HYDIN: variants seen among roughly 807,000 people sequenced by gnomAD.
HYDIN encodes the protein HYDIN axonemal central pair apparatus protein.
A neutral mutation model predicts 403.9 loss-of-function variants in HYDIN; 132 were observed. The observed-to-expected ratio is 0.33, with a 90% CI of 0.28 to 0.38. HYDIN has a LOEUF of 0.38. Among genes scored for constraint, HYDIN ranks in the 10% least tolerant of loss-of-function variants. HYDIN has a pLI of 1.00. For missense variants in HYDIN, 2,827 were observed against 5,009.5 expected (o/e 0.56, Z 13.15); for synonymous variants, 1,202 against 1,891.7 (o/e 0.64, Z 9.46).
At chr16:71,020,136 C>T (rs749741162) in intron 22 of HYDIN, 38 bp downstream of exon 22, 3 of 1,608,154 alleles carry the variant, frequency 1.9e-6, no homozygotes, top group Non-Finnish European at 2.5e-6. Context: ...CCCGCCCCAC[C>T]CCAGACAGCT....
At position 70,939,262 on chromosome 16, in the gene HYDIN, C is replaced by T. The variant is rs564879265; in HGVS notation, c.6854-507G>A. Among the ~76,000 whole-genome samples, 54 of 152,222 alleles carry T rather than the reference C, an allele frequency of 3.5e-4. 1 individual carries two copies. The East Asian group carries it at 0.01, about 28-fold the overall frequency. On this transcript the variant is annotated intron_variant, in intron 43 of 85. Coordinates refer to ENST00000393567, the MANE Select transcript of HYDIN (RefSeq NM_001270974.2). ...GGCTACCTAACAGCCAAAAAAGGAACGTGGCCCTGCTGAGAAAAGTCCGGA... is the reference window on the plus strand; with the variant it reads ...GGCTACCTAACAGCCAAAAAAGGAATGTGGCCCTGCTGAGAAAAGTCCGGA...
chr16:71,230,218 C>G lies in HYDIN; in HGVS notation c.-24+344G>C, dbSNP rs74689663. Among the ~76,000 whole-genome samples the G allele has an allele frequency of 8.5e-3, 1,296 of 152,318 alleles. 16 individuals carry two copies. Among genetic ancestry groups the G allele is most frequent in the African/African-American group, 0.03 (1,233 of 41,568 alleles). On this transcript the variant is annotated intron_variant, in intron 1 of 85. Coordinates refer to ENST00000393567, the MANE Select transcript of HYDIN (RefSeq NM_001270974.2). The stretch of plus-strand genomic sequence containing the variant: ...CTTTATATTTTCAAAACTCTTGGAA[C>G]TGTACACCTAAAAGAGGTGAATTTT...
intron 27 of HYDIN, among the ~76,000 whole-genome samples, 186 bp from the exon 28 acceptor site, chr16:70,985,508 C>T (rs1431145568): frequency 6.6e-6 from 1 of 150,926 alleles, no homozygotes; most frequent in African/African-American, 2.5e-5. Context: ...GCTCTTAGTT[C>T]TTCTAAGAAC....
chr16:70,944,894 A>G (rs1406153487), intron 41 of HYDIN, among the ~76,000 whole-genome samples: 4 of 152,192 alleles, frequency 2.6e-5, no homozygotes, highest in Non-Finnish European at 5.9e-5. Context: ...CTGGAATTAC[A>G]GGTGTGCACC....
At chr16:71,027,972 T>C (rs1257925023) in intron 19 of HYDIN, 97 bp from the exon 20 acceptor site, 14 of 480,300 alleles carry the variant, frequency 2.9e-5, no homozygotes, top group Non-Finnish European at 4.3e-5. Context: ...GTATTTAAAA[T>C]GGTGAGCAAC....
At chr16:70,944,604 ACAGT>A (rs2077792274) in intron 41 of HYDIN, among the ~76,000 whole-genome samples, 1 of 152,182 alleles carries the variant, frequency 6.6e-6, no homozygotes, top group African/African-American at 2.4e-5. Context: ...AATGGGGAAG[ACAGT>A]CAGGCTGAAG....
intron 1 of HYDIN, among the ~76,000 whole-genome samples, chr16:71,202,623 G>T (rs1223085800): frequency 1.3e-5 from 2 of 152,038 alleles, no homozygotes; most frequent in African/African-American, 2.4e-5. Context: ...TCCAGTTGTT[G>T]TACCAGTTTT....
At chr16:70,942,148 C>T (rs924436643) in intron 42 of HYDIN, among the ~76,000 whole-genome samples, 7 of 150,378 alleles carry the variant, frequency 4.7e-5, no homozygotes, top group Non-Finnish European at 8.9e-5. Context: ...CCTCAGCCTC[C>T]CAAGTAGCTG....
At chr16:71,188,375 G>A (rs552041395) in intron 1 of HYDIN, among the ~76,000 whole-genome samples, 9 of 152,118 alleles carry the variant, frequency 5.9e-5, no homozygotes, top group Non-Finnish European at 1.3e-4. Context: ...CGCATGAGTG[G>A]CATCACCAAT....
intron 45 of HYDIN, among the ~76,000 whole-genome samples, chr16:70,931,208 C>CTTTTTTT (rs2077313550): frequency 2.2e-4 from 17 of 78,250 alleles, no homozygotes; most frequent in East Asian, 6.3e-4. Flanking sequence ...TCTCTTTCTT[C>CTTTTTTT]TGTTTTTTTT....
chr16:70,923,530 T>C (rs1200422596), intron 45 of HYDIN, among the ~76,000 whole-genome samples: 29 of 98,142 alleles, frequency 3.0e-4, no homozygotes, highest in African/African-American at 1.1e-3. Context: ...AGGCCAGGTG[T>C]GGTGGCTCAA....
At chr16:70,983,928 T>C (rs1349777498) in intron 28 of HYDIN, among the ~76,000 whole-genome samples, 1 of 151,236 alleles carries the variant, frequency 6.6e-6, no homozygotes, top group Non-Finnish European at 1.5e-5. Flanking sequence ...TACTTTTTTA[T>C]CTGTAATTTT....
At chr16:70,875,665 T>C (rs2040402615) in intron 62 of HYDIN, among the ~76,000 whole-genome samples, 1 of 152,218 alleles carries the variant, frequency 6.6e-6, no homozygotes, top group Non-Finnish European at 1.5e-5. Context: ...TATGGAAGAA[T>C]TATATGTAAG....
chr16:70,897,762 G>T (rs1222581118), intron 53 of HYDIN, among the ~76,000 whole-genome samples: 2 of 152,206 alleles, frequency 1.3e-5, no homozygotes, highest in Non-Finnish European at 2.9e-5. Context: ...ATGTGGAAGT[G>T]AATATAAGTT....
chr16:70,905,928 T>C (rs1231477804), intron 50 of HYDIN, among the ~76,000 whole-genome samples: 3 of 151,820 alleles, frequency 2.0e-5, no homozygotes, highest in East Asian at 1.9e-4. Flanking sequence ...ATCAGCAAAT[T>C]CCCTTCATCT....
Position 70,862,035 on chromosome 16 carries a change from C to T in HYDIN, c.11777+13G>A, listed in dbSNP as rs373802471. 1,186 of 1,551,892 alleles carry T rather than the reference C, an allele frequency of 7.6e-4. 4 individuals carry two copies. The African/African-American group carries it at 0.015, about 20-fold the overall frequency. On this transcript the variant is annotated intron_variant, in intron 69 of 85. Transcript: ENST00000393567. ...CTGCCAAGAAGGGTGTTGTGGCGAG[C>T]ACATTTTCTTACTGGCAGAAAAGGT...
intron 57 of HYDIN, 66 bp from the exon 58 acceptor site, chr16:70,889,770 T>C (rs531972226): frequency 1.5e-5 from 10 of 670,026 alleles, no homozygotes; most frequent in African/African-American, 1.5e-4. Flanking sequence ...ACACCACCTG[T>C]CTGTTTTCTT....
chr16:71,126,892 C>T (rs1358604991), intron 9 of HYDIN, among the ~76,000 whole-genome samples: 4 of 151,788 alleles, frequency 2.6e-5, no homozygotes, highest in Admixed American at 2.0e-4. Context: ...TTACCTGAAT[C>T]GGAAAACCAA....
intron 11 of HYDIN, among the ~76,000 whole-genome samples, chr16:71,092,884 C>T (rs887122448): frequency 6.3e-5 from 9 of 142,980 alleles, no homozygotes; most frequent in Non-Finnish European, 1.0e-4. Flanking sequence ...ACTAAATGAA[C>T]GAGTGAAGGT....
Sources: gnomAD v4.1 joint callset for allele counts (sites outside exome capture counted in the v4.1 genomes callset) on GRCh38, gnomAD v4.1.1 for gene constraint, MANE v1.5 for transcripts, NCBI Gene and HGNC (gene_info 2026-07-23, HGNC 2026-07-21) for gene names.